PDE4B: variants seen among roughly 807,000 people sequenced by gnomAD.
The protein encoded by PDE4B is phosphodiesterase 4B, also known as 3',5'-cyclic-AMP phosphodiesterase 4B.
Under a neutral mutation model 82.2 loss-of-function variants are expected in PDE4B, and 20 were observed. The ratio of observed to expected loss-of-function variants is 0.24; its 90% CI spans 0.17 to 0.35. PDE4B has a LOEUF of 0.35. PDE4B is among the 10% of genes least tolerant of loss of function. The pLI is 1.00. For missense variants in PDE4B, 655 were observed against 907.2 expected (o/e 0.72, Z 3.57); for synonymous variants, 320 against 318.9 (o/e 1.00, Z -0.04).
intron 3 of PDE4B, among the ~76,000 whole-genome samples, chr1:66,120,083 G>A (rs1231731802): frequency 1.3e-5 from 2 of 152,150 alleles, no homozygotes; most frequent in Non-Finnish European, 2.9e-5. Context: ...TACTCAGTTT[G>A]TAGTACTTTT....
intron 1 of PDE4B, among the ~76,000 whole-genome samples, chr1:65,851,129 T>G (rs1352625834): frequency 6.6e-6 from 1 of 152,180 alleles, no homozygotes; most frequent in East Asian, 1.9e-4. Flanking sequence ...ATAGGCCGAA[T>G]ACGCTTGATA....
chr1:65,976,408 C>A (rs976638991), intron 3 of PDE4B, among the ~76,000 whole-genome samples: 1 of 152,126 alleles, frequency 6.6e-6, no homozygotes, highest in Non-Finnish European at 1.5e-5. Context: ...GGCTTATAGG[C>A]AGAAGGGGCT....
chr1:66,180,873 T>A (rs537704656), intron 3 of PDE4B, among the ~76,000 whole-genome samples: 11 of 152,340 alleles, frequency 7.2e-5, no homozygotes, highest in Admixed American at 3.3e-4. Context: ...TCTAGCACTG[T>A]GCCTGGCACT....
At chr1:66,244,702 G>C (rs1414625407) in intron 3 of PDE4B, among the ~76,000 whole-genome samples, 2 of 152,170 alleles carry the variant, frequency 1.3e-5, no homozygotes, top group Non-Finnish European at 2.9e-5. Flanking sequence ...AATATGAAAG[G>C]CCATTTGTCT....
intron 1 of PDE4B, among the ~76,000 whole-genome samples, chr1:65,803,961 T>C (rs1217838110): frequency 1.3e-5 from 2 of 152,250 alleles, no homozygotes; most frequent in Non-Finnish European, 2.9e-5. Flanking sequence ...TGATAATGCT[T>C]GACTTTGAGC....
intron 2 of PDE4B, among the ~76,000 whole-genome samples, chr1:65,917,146 G>A (rs1488822601): frequency 6.6e-6 from 1 of 152,012 alleles, no homozygotes; most frequent in African/African-American, 2.4e-5. Flanking sequence ...TTTTGCTATT[G>A]TATCCTTAAA....
chr1:65,918,881 C>A, intron 3 of PDE4B, 46 bp downstream of exon 3: 1 of 1,134,106 alleles, frequency 8.8e-7, no homozygotes, highest in Non-Finnish European at 1.3e-6. Context: ...TTTTATTTTC[C>A]AATTTCTCCA....
chr1:65,877,816 T>C (rs1420483024), intron 1 of PDE4B, among the ~76,000 whole-genome samples: 1 of 151,858 alleles, frequency 6.6e-6, no homozygotes, highest in Non-Finnish European at 1.5e-5. Flanking sequence ...ATTCAGGACA[T>C]AGGCAAGGGC....
chr1:65,859,613 G>A (rs1646431569), intron 1 of PDE4B, among the ~76,000 whole-genome samples: 2 of 152,164 alleles, frequency 1.3e-5, no homozygotes, highest in South Asian at 2.1e-4. Context: ...TCAAAAGCGA[G>A]CTTGCTGTAA....
intron 3 of PDE4B, among the ~76,000 whole-genome samples, chr1:66,176,309 A>C (rs143754330): frequency 5.1e-4 from 78 of 152,352 alleles, no homozygotes; most frequent in Non-Finnish European, 1.0e-3. Flanking sequence ...CAGATCTAAC[A>C]CAGCATGGGG....
chr1:66,227,837 A>T (rs1027420020), intron 3 of PDE4B, among the ~76,000 whole-genome samples: 13 of 152,136 alleles, frequency 8.5e-5, no homozygotes, highest in Non-Finnish European at 1.9e-4. Context: ...ACATGATCTG[A>T]TCTCTACCCC....
intron 1 of PDE4B, among the ~76,000 whole-genome samples, chr1:65,838,134 C>CT (rs1467707635): frequency 1.3e-5 from 2 of 152,114 alleles, no homozygotes; most frequent in East Asian, 1.9e-4. Context: ...TCTTGACTTC[C>CT]TTTTTTGTTC....
chr1:66,285,173 A>C (rs1180382430), intron 7 of PDE4B, among the ~76,000 whole-genome samples: 1 of 152,198 alleles, frequency 6.6e-6, no homozygotes, highest in Non-Finnish European at 1.5e-5. Flanking sequence ...TTTAAGCCTC[A>C]AAACAACTCT....
chr1:66,120,421 C>T (rs548427822), intron 3 of PDE4B, among the ~76,000 whole-genome samples: 88 of 152,236 alleles, frequency 5.8e-4, no homozygotes, highest in Non-Finnish European at 8.2e-4. Flanking sequence ...AGAGGAAAGA[C>T]GTGCTGTGTC....
At chr1:65,809,419 C>T (rs916257884) in intron 1 of PDE4B, among the ~76,000 whole-genome samples, 4 of 150,594 alleles carry the variant, frequency 2.7e-5, no homozygotes, top group Admixed American at 1.3e-4. Context: ...GCCATGAGAT[C>T]GTCAGCTTTG....
At chr1:66,258,158 A>G (rs748752851) in intron 6 of PDE4B, among the ~76,000 whole-genome samples, 1 of 152,246 alleles carries the variant, frequency 6.6e-6, no homozygotes, top group Non-Finnish European at 1.5e-5. Context: ...TTTTACATTT[A>G]CTACTTTGAC....
At chr1:65,801,335 T>C (rs1392139795) in intron 1 of PDE4B, among the ~76,000 whole-genome samples, 2 of 152,234 alleles carry the variant, frequency 1.3e-5, no homozygotes, top group African/African-American at 4.8e-5. Context: ...CCCTTAATTG[T>C]TTCTTCCACT....
Position 66,244,221 on chromosome 1 carries a change from G to C in PDE4B, c.282-3239G>C, listed in dbSNP as rs79755573. 3.5e-3 allele frequency among the ~76,000 whole-genome samples: 536 copies of C among 152,094 alleles called. 1 individual carries two copies. Among genetic ancestry groups the C allele is most frequent in the African/African-American group, 0.012 (497 of 41,474 alleles). ...AACAAATACTTGTGAAAAAAATCAA[G>C]ATCCAAACCTGCAGGAGAAAAAATA... is the stretch of plus-strand genomic sequence containing the variant. On this transcript the variant is annotated intron_variant, in intron 3 of 16. Transcript: ENST00000341517.
Position 65,887,438 on chromosome 1 carries a change from T to TTTTTA in PDE4B, c.-70-25807_-70-25806insTTTTA, listed in dbSNP as rs1553196174. The stretch of plus-strand genomic sequence containing the variant: ...TGTTTTTTTTTTTTTTTTTTTTTTT[T>TTTTTA]ACAGGGTCTCACTCTTTCACCCTGG... On this transcript the variant is annotated intron_variant, in intron 1 of 16. Transcript: ENST00000341517. Among the ~76,000 whole-genome samples, 117 of 115,974 alleles carry TTTTTA rather than the reference T, an allele frequency of 1.0e-3. 11 individuals carry two copies. Among genetic ancestry groups the TTTTTA allele is most frequent in the African/African-American group, 4.0e-3 (110 of 27,488 alleles). 76.1% of individuals were successfully genotyped at this position (115,974 alleles called of 152,430 possible).
Sources: gnomAD v4.1 joint callset for allele counts (sites outside exome capture counted in the v4.1 genomes callset) on GRCh38, gnomAD v4.1.1 for gene constraint, MANE v1.5 for transcripts, NCBI Gene and HGNC (gene_info 2026-07-23, HGNC 2026-07-21) for gene names.